Variants in TRPM3 observed in about 807,000 individuals in gnomAD.
The protein encoded by TRPM3 is long transient receptor potential channel 3.
Under a neutral mutation model 181.2 loss-of-function variants are expected in TRPM3, and 77 were observed. That is an observed-to-expected ratio of 0.42 (90% confidence interval 0.35 to 0.51). TRPM3 has a LOEUF of 0.51. Ranked by LOEUF, TRPM3 falls within the 20% of genes least tolerant of loss-of-function variation. The pLI is 0.01. For synonymous variants in TRPM3, 745 were observed against 796.4 expected, an observed-to-expected ratio of 0.94 and a Z score of 1.09; for missense variants, 1,759 against 2,196.7, an observed-to-expected ratio of 0.80 and a Z score of 3.98.
intron 1 of TRPM3, among the ~76,000 whole-genome samples, chr9:71,386,613 T>C (rs527362149): frequency 1.3e-5 from 2 of 152,266 alleles, no homozygotes; most frequent in Admixed American, 6.5e-5. Context: ...ACTGTGTATA[T>C]ATAACTCATT....
chr9:71,144,331 C>T (rs542688124), intron 1 of TRPM3, among the ~76,000 whole-genome samples: 7 of 152,130 alleles, frequency 4.6e-5, no homozygotes, highest in Non-Finnish European at 7.4e-5. Flanking sequence ...AAAACCTTTC[C>T]AAGCCTTTTT....
At chr9:71,212,568 C>T (rs547727790) in intron 1 of TRPM3, among the ~76,000 whole-genome samples, 13 of 152,160 alleles carry the variant, frequency 8.5e-5, no homozygotes, top group African/African-American at 2.7e-4. Context: ...CAGGCTGTAC[C>T]GCTCTCCAAA....
intron 1 of TRPM3, among the ~76,000 whole-genome samples, chr9:71,364,756 G>A (rs946000158): frequency 5.3e-5 from 8 of 152,150 alleles, no homozygotes; most frequent in Admixed American, 3.3e-4. Context: ...ATCATTCTGG[G>A]AAGTGACCCA....
intron 1 of TRPM3, among the ~76,000 whole-genome samples, chr9:71,182,777 T>G (rs1338190939): frequency 1.3e-5 from 2 of 152,104 alleles, no homozygotes; most frequent in Non-Finnish European, 2.9e-5. Flanking sequence ...TTCTCCTGCC[T>G]CAGCCTCCTG....
In TRPM3 at chr9:70,625,408, T is replaced by C; in HGVS notation, c.1668+74A>G. The C allele has an allele frequency of 6.3e-7, 1 of 1,593,924 alleles. No individual in the cohort carries two copies. On this transcript the variant is annotated intron_variant, in intron 13 of 25. Transcript: ENST00000677713. This position sits in a 1 kb window ranked among gnomAD's most constrained non-coding sequence, Gnocchi z 4.8. ...ACTAGGGATTCTACTTCACGTATTC[T>C]GTAACTAGAGTAAAAAAAAAATAAT...
intron 22 of TRPM3, among the ~76,000 whole-genome samples, chr9:70,584,221 C>T (rs562230436): frequency 7.2e-5 from 11 of 152,166 alleles, no homozygotes; most frequent in South Asian, 4.1e-4. Flanking sequence ...GAGTCCACTT[C>T]CCCATTTTCT....
chr9:71,096,977 T>C (rs1057309513), intron 1 of TRPM3, among the ~76,000 whole-genome samples: 52 of 152,238 alleles, frequency 3.4e-4, no homozygotes, highest in African/African-American at 1.2e-3. Context: ...TCAAAATTGC[T>C]GGTGCTTCAG....
chr9:71,011,782 G>GTTTTTTTTTTTT (rs1246219196), intron 1 of TRPM3, among the ~76,000 whole-genome samples: 10 of 93,252 alleles, frequency 1.1e-4, no homozygotes, highest in East Asian at 5.9e-4. Flanking sequence ...TTTTTTTTTT[G>GTTTTTTTTTTTT]TTTTTTTGTT....
At chr9:70,577,107 A>G (rs1488423142) in intron 22 of TRPM3, among the ~76,000 whole-genome samples, 1 of 152,108 alleles carries the variant, frequency 6.6e-6, no homozygotes, top group African/African-American at 2.4e-5. Context: ...GACCACCCCA[A>G]AGTATGCTGT....
chr9:70,998,250 CATAT>C (rs1276352872), intron 1 of TRPM3, among the ~76,000 whole-genome samples: 13 of 129,400 alleles, frequency 1.0e-4, no homozygotes, highest in Admixed American at 7.2e-4. Context: ...CACACACACA[CATAT>C]ATATATATAT....
At chr9:70,678,465 G>T (rs2064603045) in intron 9 of TRPM3, among the ~76,000 whole-genome samples, 1 of 152,090 alleles carries the variant, frequency 6.6e-6, no homozygotes, top group Non-Finnish European at 1.5e-5. Context: ...CACTGGATAA[G>T]TCTGTATAAT....
At chr9:71,119,046 A>G (rs1222614002) in intron 1 of TRPM3, among the ~76,000 whole-genome samples, 2 of 152,186 alleles carry the variant, frequency 1.3e-5, no homozygotes, top group African/African-American at 2.4e-5. Context: ...AATACATAGC[A>G]TTCACAGCCA....
intron 8 of TRPM3, among the ~76,000 whole-genome samples, chr9:70,686,783 T>TTTTCTTTCTCTC (rs2067018706): frequency 9.9e-6 from 1 of 101,196 alleles, no homozygotes. Flanking sequence ...CTTTCCCTCC[T>TTTTCTTTCTCTC]TTTCTCTCTC....
chr9:70,655,930 A>G (rs575884314), intron 9 of TRPM3, among the ~76,000 whole-genome samples: 19 of 152,228 alleles, frequency 1.2e-4, no homozygotes, highest in Non-Finnish European at 2.6e-4. Flanking sequence ...CTATGTATTT[A>G]TATGTTGCGT....
At chr9:70,618,781 C>A in intron 17 of TRPM3, 86 bp downstream of exon 17, 1 of 1,143,926 alleles carries the variant, frequency 8.7e-7, no homozygotes, top group Admixed American at 1.9e-5. Context: ...AAGAGGATGC[C>A]CAATTCCATG....
At chr9:71,225,882 C>T (rs1247621463) in intron 1 of TRPM3, among the ~76,000 whole-genome samples, 1 of 151,774 alleles carries the variant, frequency 6.6e-6, no homozygotes, top group Non-Finnish European at 1.5e-5. Context: ...CTCTCAAACT[C>T]CTTACCTCAG....
chr9:70,889,302 G>T (rs753460982), intron 1 of TRPM3, among the ~76,000 whole-genome samples: 12 of 152,210 alleles, frequency 7.9e-5, no homozygotes, highest in Non-Finnish European at 1.6e-4. Context: ...AAGACCAGAA[G>T]TTGATTCTTT....
chr9:70,915,223 T>C (rs1268336018), intron 1 of TRPM3, among the ~76,000 whole-genome samples: 1 of 152,156 alleles, frequency 6.6e-6, no homozygotes, highest in African/African-American at 2.4e-5. Context: ...CAGAATTCTA[T>C]CAAATTTAAC....
chr9:70,976,256 A>C (rs959643816), intron 1 of TRPM3, among the ~76,000 whole-genome samples: 2 of 152,186 alleles, frequency 1.3e-5, no homozygotes, highest in African/African-American at 4.8e-5. Flanking sequence ...CATGAGCCAA[A>C]ACCTCAGGAA....
Sources: gnomAD v4.1 joint callset for allele counts (sites outside exome capture counted in the v4.1 genomes callset) on GRCh38, gnomAD v4.1.1 for gene constraint, Gnocchi (gnomAD v3.1) non-coding constraint, MANE v1.5 for transcripts, NCBI Gene and HGNC (gene_info 2026-07-23, HGNC 2026-07-21) for gene names.